Variants in GNA12 observed in about 807,000 individuals in gnomAD.
GNA12 encodes the protein G protein subunit alpha 12.
GNA12 carries 9 observed loss-of-function variants against 26.0 expected under a neutral mutation model. The ratio of observed to expected loss-of-function variants is 0.35; its 90% CI spans 0.21 to 0.60. The LOEUF (loss-of-function observed/expected upper bound fraction) is 0.60, where lower values mean the gene tolerates loss of function less well. Among genes scored for constraint, GNA12 ranks in the 20% least tolerant of loss-of-function variants. The pLI is 0.78. For synonymous variants in GNA12, 264 were observed against 219.6 expected (o/e 1.20, Z -1.79); for missense variants, 405 against 525.8 (o/e 0.77, Z 2.25).
At chr7:2,797,499 C>CAT (rs1792706328) in intron 1 of GNA12, among the ~76,000 whole-genome samples, 1 of 151,614 alleles carries the variant, frequency 6.6e-6, no homozygotes, top group African/African-American at 2.4e-5. Context: ...ATCCATGTAC[C>CAT]ATATAACTCA....
At chr7:2,810,526 CT>C (rs1480031345) in intron 1 of GNA12, among the ~76,000 whole-genome samples, 1 of 152,096 alleles carries the variant, frequency 6.6e-6, no homozygotes, top group East Asian at 1.9e-4. Context: ...TTAGAAGGAA[CT>C]TACTCCTTGG....
At chr7:2,788,084 G>A (rs1352531846) in intron 2 of GNA12, among the ~76,000 whole-genome samples, 4 of 152,032 alleles carry the variant, frequency 2.6e-5, no homozygotes, top group African/African-American at 9.7e-5. Context: ...AACCCAGGAG[G>A]CAGAGGTTGC....
At chr7:2,811,621 C>T (rs905441348) in intron 1 of GNA12, among the ~76,000 whole-genome samples, 7 of 152,312 alleles carry the variant, frequency 4.6e-5, no homozygotes, top group South Asian at 4.1e-4. Flanking sequence ...GCACAGATTT[C>T]GTAAGGTTGT....
intron 1 of GNA12, among the ~76,000 whole-genome samples, chr7:2,841,258 T>G (rs898406378): frequency 6.6e-6 from 1 of 152,222 alleles, no homozygotes; most frequent in Non-Finnish European, 1.5e-5. Flanking sequence ...TTCACCCCAT[T>G]CTCCTGCCAG....
intron 2 of GNA12, among the ~76,000 whole-genome samples, chr7:2,756,523 G>A (rs1477773387): frequency 6.6e-6 from 1 of 151,678 alleles, no homozygotes; most frequent in East Asian, 2.0e-4. Flanking sequence ...GCTGAGGCAG[G>A]AAGATCTCTT....
At chr7:2,813,966 T>A (rs1793148300) in intron 1 of GNA12, among the ~76,000 whole-genome samples, 1 of 152,080 alleles carries the variant, frequency 6.6e-6, no homozygotes, top group Admixed American at 6.5e-5. Context: ...CCTGAATAGA[T>A]CAGACGGCAG....
intron 2 of GNA12, among the ~76,000 whole-genome samples, chr7:2,785,960 G>A (rs1196638410): frequency 2.0e-5 from 3 of 152,204 alleles, no homozygotes; most frequent in Admixed American, 6.5e-5. Context: ...CCAGCTACTC[G>A]GGAGGCTGAG....
intron 1 of GNA12, among the ~76,000 whole-genome samples, chr7:2,843,232 T>C (rs1779051723): frequency 6.6e-6 from 1 of 152,064 alleles, no homozygotes; most frequent in Non-Finnish European, 1.5e-5. Context: ...CAGTGGGAAA[T>C]GGACAGATAC....
In GNA12 at chr7:2,836,907, A is replaced by G. The variant is rs186641835; in HGVS notation, c.309+6946T>C. On this transcript the variant is annotated intron_variant, in intron 1 of 3. Transcript: ENST00000275364. Reference sequence around the variant, plus strand: ...CCACTGCACTCCAGCCCGGGCAACAAGAGCGAAACTCCATCTCAACAACAA... The same window carrying G: ...CCACTGCACTCCAGCCCGGGCAACAGGAGCGAAACTCCATCTCAACAACAA... 2.0e-4 allele frequency among the ~76,000 whole-genome samples: 30 copies of G among 152,284 alleles called. No homozygotes were observed. The East Asian group carries it at 2.1e-3, about 11-fold the overall frequency.
At chr7:2,746,150 C>G (rs1790752709) in intron 2 of GNA12, among the ~76,000 whole-genome samples, 1 of 152,208 alleles carries the variant, frequency 6.6e-6, no homozygotes, top group Admixed American at 6.5e-5. Context: ...GAATTGAATT[C>G]AGCTCTGCAC....
At chr7:2,734,593 C>T (rs975879291) in intron 2 of GNA12, among the ~76,000 whole-genome samples, 2 of 152,244 alleles carry the variant, frequency 1.3e-5, no homozygotes, top group South Asian at 2.1e-4. Context: ...CGGCCAGCAC[C>T]TGCTCAGTCT....
At chr7:2,761,220 G>A (rs1052743958) in intron 2 of GNA12, among the ~76,000 whole-genome samples, 2 of 151,994 alleles carry the variant, frequency 1.3e-5, no homozygotes, top group African/African-American at 2.4e-5. Flanking sequence ...CAGCAGCCCC[G>A]GCTCTGCTAC....
At chr7:2,841,404 T>C (rs1364841039) in intron 1 of GNA12, among the ~76,000 whole-genome samples, 1 of 152,306 alleles carries the variant, frequency 6.6e-6, no homozygotes, top group East Asian at 1.9e-4. Context: ...CCTGCCTGGT[T>C]CTGAGGTCTG....
At chr7:2,741,036 C>T (rs1790473300) in intron 2 of GNA12, among the ~76,000 whole-genome samples, 1 of 149,888 alleles carries the variant, frequency 6.7e-6, no homozygotes, top group East Asian at 1.9e-4. Flanking sequence ...CAGAGCGAGA[C>T]TCCGTCTCAA....
chr7:2,742,232 C>CA (rs1790543158), intron 2 of GNA12, among the ~76,000 whole-genome samples: 1 of 151,984 alleles, frequency 6.6e-6, no homozygotes, highest in African/African-American at 2.4e-5. Flanking sequence ...CCATTTTGGC[C>CA]AGGCTGGTCT....
At chr7:2,793,939 A>T (rs1268660891) in intron 2 of GNA12, among the ~76,000 whole-genome samples, 1 of 152,060 alleles carries the variant, frequency 6.6e-6, no homozygotes, top group Non-Finnish European at 1.5e-5. Flanking sequence ...TATGAAAAAC[A>T]GTTCAAAAGT....
At chr7:2,829,062 G>A in intron 1 of GNA12, among the ~76,000 whole-genome samples, 1 of 145,482 alleles carries the variant, frequency 6.9e-6, no homozygotes. Flanking sequence ...GACAGAGCCA[G>A]ACCCTGTCTC....
rs542387597 is a variant in GNA12 at position 2,740,441 on chromosome 7, C to A, written c.526-6940G>T. On this transcript the variant is annotated intron_variant, in intron 2 of 3. Transcript: ENST00000275364. ...CAGTGAGAAGCTGGCCGTCTGCAAGCGAGGAAGACAGCCCTCCCTCACCAG... is the reference window on the plus strand; with the variant it reads ...CAGTGAGAAGCTGGCCGTCTGCAAGAGAGGAAGACAGCCCTCCCTCACCAG... 7.2e-5 allele frequency among the ~76,000 whole-genome samples: 11 copies of A among 152,240 alleles called. No individual in the cohort carries two copies. The South Asian group carries it at 1.0e-3, about 14-fold the overall frequency.
intron 1 of GNA12, among the ~76,000 whole-genome samples, chr7:2,840,570 C>G (rs912474703): frequency 1.4e-4 from 22 of 152,222 alleles, no homozygotes; most frequent in African/African-American, 4.6e-4. Context: ...TTTAAAGTCC[C>G]TTCCCTGGCC....
Sources: allele counts gnomAD v4.1 joint callset (sites outside exome capture counted in the v4.1 genomes callset), GRCh38; gene constraint gnomAD v4.1.1; transcripts MANE v1.5; gene names NCBI Gene and HGNC (gene_info 2026-07-23, HGNC 2026-07-21).